The following EHF variants were observed in gnomAD, a reference collection of about 807,000 sequenced individuals.
EHF encodes ETS homologous factor.
Under a neutral mutation model 45.1 loss-of-function variants are expected in EHF, and 14 were observed. The observed-to-expected ratio is 0.31, with a 90% CI of 0.21 to 0.49. The LOEUF (loss-of-function observed/expected upper bound fraction) is 0.49. Ranked by LOEUF, EHF falls within the 20% of genes least tolerant of loss-of-function variation. EHF has a pLI of 0.99. For missense variants in EHF, 282 were observed against 371.4 expected (o/e 0.76, Z 1.98); for synonymous variants, 136 against 131.8 (o/e 1.03, Z -0.22).
At chr11:34,651,177 C>T (rs552748045) in intron 4 of EHF, among the ~76,000 whole-genome samples, 39 of 151,378 alleles carry the variant, frequency 2.6e-4, no homozygotes, top group African/African-American at 9.5e-4. Context: ...CCCCCCACCA[C>T]ACTCTAGGGT....
intron 2 of EHF, among the ~76,000 whole-genome samples, chr11:34,642,974 G>C (rs1277679611): frequency 6.6e-6 from 1 of 152,102 alleles, no homozygotes; most frequent in Admixed American, 6.5e-5. Flanking sequence ...TGGCAGTGAA[G>C]GGGGGTAGAA....
rs144745038 is a variant in EHF, at chr11:34,632,610, A to AG, written c.-3-10016dup. On this transcript the variant is annotated intron_variant, in intron 1 of 8. Coordinates refer to ENST00000257831, the MANE Select transcript of EHF (RefSeq NM_012153.6). Reference sequence around the variant, plus strand: ...AGGGCATGGGGTTGCCGGAGAGAAGAGGATTGGTCCTGCTTTTAAGCCTAG... The same window carrying AG: ...AGGGCATGGGGTTGCCGGAGAGAAGAGGGATTGGTCCTGCTTTTAAGCCTAG... 2.4e-3 allele frequency: 3,750 copies of AG among 1,535,654 alleles called. 70 individuals carry two copies. The African/African-American group carries it at 0.041, about 17-fold the overall frequency.
At chr11:34,630,790 G>A (rs945872627) in intron 1 of EHF, among the ~76,000 whole-genome samples, 6 of 152,064 alleles carry the variant, frequency 3.9e-5, no homozygotes, top group East Asian at 1.9e-4. Flanking sequence ...GCCTGGGAAC[G>A]CTCAGTCAGC....
intron 1 of EHF, among the ~76,000 whole-genome samples, chr11:34,635,868 G>A (rs73446821): frequency 0.027 from 4,115 of 152,162 alleles, 181 homozygotes; most frequent in African/African-American, 0.094. Flanking sequence ...TCGTCCTTTG[G>A]GTAAGAACTG....
rs760668012 is a variant in EHF at position 34,656,904 on chromosome 11, T to C, written c.545-4T>C. On this transcript the variant is annotated splice_polypyrimidine_tract_variant and splice_region_variant and intron_variant, in intron 6 of 8. Coordinates refer to ENST00000257831, the MANE Select transcript of EHF (RefSeq NM_012153.6). ...AATTAAACGCCTCTCATTTTTCTCC[T>C]TAGCAGAGTCACCTGATATGAAAAA... The C allele has an allele frequency of 1.2e-6, 2 of 1,613,444 alleles. No individual in the cohort carries two copies. Among genetic ancestry groups the C allele is most frequent in the Non-Finnish European group, 1.7e-6 (2 of 1,179,678 alleles).
intron 6 of EHF, among the ~76,000 whole-genome samples, chr11:34,656,228 ATC>A (rs1855659823): frequency 1.3e-5 from 2 of 152,084 alleles, no homozygotes; most frequent in African/African-American, 2.4e-5. Context: ...TGTTAAACTA[ATC>A]TGTGTTTCCA....
At chr11:34,647,086 C>A (rs1054186350) in intron 3 of EHF, among the ~76,000 whole-genome samples, 2 of 149,256 alleles carry the variant, frequency 1.3e-5, no homozygotes, top group South Asian at 2.2e-4. Context: ...AAAACAAAAC[C>A]CCCCCCACAC....
chr11:34,632,377 G>C (rs948793335), intron 1 of EHF: 2 of 1,099,174 alleles, frequency 1.8e-6, no homozygotes, highest in Non-Finnish European at 2.5e-6. Context: ...CTCTGTTTAC[G>C]GTGGGTTTTA....
At chr11:34,637,154 CT>C (rs897955263) in intron 1 of EHF, among the ~76,000 whole-genome samples, 1 of 151,980 alleles carries the variant, frequency 6.6e-6, no homozygotes, top group African/African-American at 2.4e-5. Flanking sequence ...TAGGCTTTAC[CT>C]TCTGCTATGC....
At chr11:34,647,322 C>T (rs1854663081) in intron 3 of EHF, among the ~76,000 whole-genome samples, 1 of 152,138 alleles carries the variant, frequency 6.6e-6, no homozygotes, top group South Asian at 2.1e-4. Context: ...TTCTGTTGCC[C>T]TAATGCCCCA....
At chr11:34,624,348 C>T in intron 1 of EHF, 1 of 984,622 alleles carries the variant, frequency 1.0e-6, no homozygotes, top group Non-Finnish European at 1.2e-6. Context: ...GGATTGCCAT[C>T]TGAAGACAGA....
At position 34,651,728 on chromosome 11, in the gene EHF, T is replaced by C. The variant is rs1161930229; in HGVS notation, c.476-9T>C. The C allele has an allele frequency of 6.8e-6, 11 of 1,614,074 alleles. No homozygotes were observed. In the East Asian group the frequency reaches 1.8e-4, roughly 26 times the overall value. On this transcript the variant is annotated splice_polypyrimidine_tract_variant and intron_variant, in intron 5 of 8. Coordinates refer to ENST00000257831, the MANE Select transcript of EHF (RefSeq NM_012153.6). ...GCTCTAAATGTCCTTTATCTTTTCA[T>C]GGCCACAGATTTGTTGGACAGCAAA...
intron 4 of EHF, among the ~76,000 whole-genome samples, 190 bp downstream of exon 4, chr11:34,649,271 C>A (rs1034276771): frequency 2.0e-5 from 3 of 152,166 alleles, no homozygotes; most frequent in African/African-American, 7.2e-5. Flanking sequence ...GTGACTGCCA[C>A]CTATTTCCAA....
intron 1 of EHF, among the ~76,000 whole-genome samples, chr11:34,640,517 T>C (rs767879981): frequency 2.6e-5 from 4 of 152,170 alleles, no homozygotes; most frequent in Non-Finnish European, 5.9e-5. Context: ...AGCCCAGCCT[T>C]GAGCAAACAA....
At chr11:34,637,303 G>C (rs1191135249) in intron 1 of EHF, among the ~76,000 whole-genome samples, 1 of 152,156 alleles carries the variant, frequency 6.6e-6, no homozygotes, top group Non-Finnish European at 1.5e-5. Context: ...CTGGAAGCAA[G>C]CCCTTGGCGA....
At chr11:34,624,155 A>T in intron 1 of EHF, 1 of 405,330 alleles carries the variant, frequency 2.5e-6, no homozygotes, top group Non-Finnish European at 3.3e-6. Flanking sequence ...TTCTCTTGTT[A>T]AGATCGCTCT....
rs1176199608 is a variant in EHF at position 34,624,325 on chromosome 11, G to A, written c.-4+3097G>A. ...CTGTGGCTTTCAGCTTGGGTAAGCC[G>A]GGTCTGCGGCGGGGATTGCCATCTG... On this transcript the variant is annotated intron_variant, in intron 1 of 8. Coordinates refer to ENST00000257831, the MANE Select transcript of EHF (RefSeq NM_012153.6). 3.6e-5 allele frequency: 35 copies of A among 985,278 alleles called. No individual in the cohort carries two copies. In the South Asian group the frequency reaches 4.2e-4, roughly 12 times the overall value. 61.0% of individuals were successfully genotyped at this position (985,278 alleles called of 1,614,324 possible). A position where few individuals can be genotyped will look rare whatever the true frequency, so the allele number is the denominator to read the frequency against.
At chr11:34,656,331 G>C (rs11032803) in intron 6 of EHF, among the ~76,000 whole-genome samples, 10,919 of 152,026 alleles carry the variant, frequency 0.072, 969 homozygotes, top group East Asian at 0.42. Context: ...GCCAAAAAAG[G>C]GCACTCCTCT....
intron 4 of EHF, among the ~76,000 whole-genome samples, chr11:34,650,285 AG>A (rs1855011157): frequency 6.6e-6 from 1 of 152,170 alleles, no homozygotes; most frequent in African/African-American, 2.4e-5. Flanking sequence ...CCACCCTAGG[AG>A]GAGGGGAGAA....
Sources: allele counts gnomAD v4.1 joint callset (sites outside exome capture counted in the v4.1 genomes callset), GRCh38; gene constraint gnomAD v4.1.1; transcripts MANE v1.5; gene names NCBI Gene and HGNC (gene_info 2026-07-23, HGNC 2026-07-21).